OGDH: variants seen among roughly 807,000 people sequenced by gnomAD.
OGDH encodes oxoglutarate dehydrogenase, also known as 2-oxoglutarate dehydrogenase complex component E1.
Under a neutral mutation model 116.6 loss-of-function variants are expected in OGDH, and 38 were observed. The ratio of observed to expected loss-of-function variants is 0.33; its 90% CI spans 0.25 to 0.43. The LOEUF (loss-of-function observed/expected upper bound fraction) is 0.43. Ranked by LOEUF, OGDH falls within the 20% of genes least tolerant of loss-of-function variation. The pLI, the probability that OGDH is intolerant of heterozygous loss-of-function variation, is 1.00. For missense variants in OGDH, 825 were observed against 1,357.2 expected, an observed-to-expected ratio of 0.61 and a Z score of 6.16; for synonymous variants, 488 against 533.3, an observed-to-expected ratio of 0.92 and a Z score of 1.17.
intron 19 of OGDH, 138 bp downstream of exon 19, chr7:44,700,407 C>T: frequency 9.0e-7 from 1 of 1,113,378 alleles, no homozygotes; most frequent in South Asian, 1.6e-5. Flanking sequence ...GACATGGTGT[C>T]AGGGAGCCTC....
In OGDH at chr7:44,700,122, A is replaced by G; in HGVS notation, c.2431-19A>G. ...CAGTGCTGTGTCCTGGCCTCTGGCC[A>G]TTTCCTTCCCTGCTGCAGGACCTTA... On this transcript the variant is annotated intron_variant, in intron 18 of 22. Coordinates refer to ENST00000222673, the MANE Select transcript of OGDH (RefSeq NM_002541.4). 2 of 1,613,818 alleles carry G rather than the reference A, an allele frequency of 1.2e-6. No homozygotes were observed. The highest frequency in any genetic ancestry group is 3.3e-5 in the Admixed American group (2 of 60,004).
At chr7:44,688,805 A>G (rs1322066356) in intron 10 of OGDH, among the ~76,000 whole-genome samples, 2 of 151,850 alleles carry the variant, frequency 1.3e-5, no homozygotes, top group Non-Finnish European at 2.9e-5. Context: ...CTGGAGTGCA[A>G]GTGGCATAAT....
intron 3 of OGDH, among the ~76,000 whole-genome samples, chr7:44,645,771 T>C (rs190382737): frequency 6.6e-6 from 1 of 152,332 alleles, no homozygotes; most frequent in Non-Finnish European, 1.5e-5. Flanking sequence ...TTTCCTTTCC[T>C]TCCTTGGCAA....
chr7:44,606,788 G>A (rs1057434140), intron 1 of OGDH, 135 bp downstream of exon 1: 2 of 152,446 alleles, frequency 1.3e-5, no homozygotes, highest in Admixed American at 6.5e-5. Context: ...CAGGGGAGTG[G>A]AGCTGGATGG....
chr7:44,631,999 T>C (rs548603307), intron 2 of OGDH, among the ~76,000 whole-genome samples: 1 of 152,236 alleles, frequency 6.6e-6, no homozygotes, highest in East Asian at 1.9e-4. Flanking sequence ...CTCAGCAGGA[T>C]GATGGATGCA....
intron 20 of OGDH, among the ~76,000 whole-genome samples, chr7:44,705,051 CTTTT>C (rs777624714): frequency 3.2e-5 from 3 of 93,948 alleles, no homozygotes; most frequent in Admixed American, 1.1e-4. Context: ...TTTTAATTTT[CTTTT>C]TTTTTTTTTT....
intron 10 of OGDH, among the ~76,000 whole-genome samples, chr7:44,690,409 C>T (rs1788318393): frequency 6.6e-6 from 1 of 152,202 alleles, no homozygotes; most frequent in Admixed American, 6.5e-5. Flanking sequence ...CGAGATTTTC[C>T]TACTAAAACA....
Position 44,694,023 on chromosome 7 carries a change from A to G in OGDH, c.1515+19A>G, listed in dbSNP as rs1004161041. 7 of 1,603,620 alleles carry G rather than the reference A, an allele frequency of 4.4e-6. No homozygotes were observed. Among genetic ancestry groups the G allele is most frequent in the Non-Finnish European group, 5.1e-6 (6 of 1,172,364 alleles). ...CGATTTGGTGAGTGACTCTGGGGAC[A>G]GCACGTCCTGGGCAGAGCATCTGAC... On this transcript the variant is annotated intron_variant, in intron 11 of 22. Transcript: ENST00000222673. This position sits in a 1 kb window ranked among gnomAD's most constrained non-coding sequence, Gnocchi z 4.2.
chr7:44,656,787 G>T (rs571721169), intron 4 of OGDH, among the ~76,000 whole-genome samples: 1 of 152,202 alleles, frequency 6.6e-6, no homozygotes, highest in South Asian at 2.1e-4. Context: ...CTGCTTCCTG[G>T]GCATTTTGGG....
chr7:44,634,084 C>T (rs1232325816), intron 2 of OGDH, among the ~76,000 whole-genome samples: 1 of 152,228 alleles, frequency 6.6e-6, no homozygotes, highest in Admixed American at 6.5e-5. Flanking sequence ...CCACTGCCAG[C>T]TCCCTTGGAG....
rs560396037 is a variant in OGDH at position 44,689,242 on chromosome 7, G to T, written c.1336-4583G>T. The stretch of plus-strand genomic sequence containing the variant: ...TTTTTTTTTTTTTTTTTGAGACAGG[G>T]TCTTACCCCGTCACCCACGCTGGAG... On this transcript the variant is annotated intron_variant, in intron 10 of 22. Coordinates refer to ENST00000222673, the MANE Select transcript of OGDH (RefSeq NM_002541.4). 7.1e-5 allele frequency among the ~76,000 whole-genome samples: 10 copies of T among 141,354 alleles called. No individual in the cohort carries two copies. The East Asian group carries it at 1.8e-3, about 26-fold the overall frequency. The allele number at this position is 141,354 out of a possible 152,430, so 92.7% of individuals were successfully genotyped here.
chr7:44,644,277 A>G (rs1167908943), intron 2 of OGDH, among the ~76,000 whole-genome samples: 1 of 152,244 alleles, frequency 6.6e-6, no homozygotes, highest in East Asian at 1.9e-4. Context: ...AAGTCTTAGT[A>G]TGTCTGATCT....
At position 44,675,871 on chromosome 7, in the gene OGDH, C is replaced by G. The variant is rs1300499315; in HGVS notation, c.1027-99C>G. On this transcript the variant is annotated intron_variant, in intron 8 of 22. Transcript: ENST00000222673. ...CAACCTGGGCAACAAGAGCGAAACT[C>G]CATCTCAAAAAAAAAAAAAAAATTC... 3.2e-6 allele frequency: 4 copies of G among 1,254,948 alleles called. No individual in the cohort carries two copies. The Admixed American group carries it at 8.5e-5, about 27-fold the overall frequency. 77.7% of individuals were successfully genotyped at this position (1,254,948 alleles called of 1,614,324 possible). A position where few individuals can be genotyped will look rare whatever the true frequency, so the allele number is the denominator to read the frequency against.
At chr7:44,675,769 C>T (rs1431577107) in intron 8 of OGDH, among the ~76,000 whole-genome samples, 6 of 151,348 alleles carry the variant, frequency 4.0e-5, no homozygotes, top group African/African-American at 9.7e-5. Context: ...CCCAGCTACT[C>T]GGGAGGCTGA....
At chr7:44,624,120 G>A (rs536876844) in intron 1 of OGDH, among the ~76,000 whole-genome samples, 197 bp from the exon 2 acceptor site, 8 of 152,032 alleles carry the variant, frequency 5.3e-5, no homozygotes, top group Admixed American at 4.6e-4. Context: ...TAGCACTCTT[G>A]TGAATACATT....
At chr7:44,702,581 TTTTATTTA>T (rs553174514) in intron 20 of OGDH, among the ~76,000 whole-genome samples, 35 of 151,464 alleles carry the variant, frequency 2.3e-4, no homozygotes, top group Non-Finnish European at 3.1e-4. Flanking sequence ...TTATTTTTAA[TTTTATTTA>T]TTTATTTATT....
intron 4 of OGDH, among the ~76,000 whole-genome samples, chr7:44,648,964 G>A (rs1217095996): frequency 2.6e-5 from 4 of 152,082 alleles, no homozygotes; most frequent in Admixed American, 2.0e-4. Flanking sequence ...AGGTCTTGGA[G>A]CCTCTTCCCT....
chr7:44,679,857 G>T (rs1787854713), intron 9 of OGDH, among the ~76,000 whole-genome samples: 1 of 152,138 alleles, frequency 6.6e-6, no homozygotes, highest in Admixed American at 6.6e-5. Flanking sequence ...TCTGCTGTGG[G>T]TCTCCAGCCT....
rs990455478 is a variant in OGDH, at chr7:44,694,139, G to A, written c.1515+135G>A. ...AGGGCTCTCTACTGCCAGGCCTCAT[G>A]CTGGTTCCTTTGAGCTCCAAATAGT... is the stretch of plus-strand genomic sequence containing the variant. On this transcript the variant is annotated intron_variant, in intron 11 of 22. Coordinates refer to ENST00000222673, the MANE Select transcript of OGDH (RefSeq NM_002541.4). This position sits in a 1 kb window ranked among gnomAD's most constrained non-coding sequence, Gnocchi z 4.2. 9.8e-7 allele frequency: 1 copy of A among 1,024,662 alleles called. No individual in the cohort carries two copies. The highest frequency in any genetic ancestry group is 2.8e-5 in the Admixed American group (1 of 35,102). The allele number at this position is 1,024,662 out of a possible 1,614,324, so 63.5% of individuals were successfully genotyped here. A position where few individuals can be genotyped will look rare whatever the true frequency, so the allele number is the denominator to read the frequency against.
Sources: gnomAD v4.1 joint callset for allele counts (sites outside exome capture counted in the v4.1 genomes callset) on GRCh38, gnomAD v4.1.1 for gene constraint, Gnocchi (gnomAD v3.1) non-coding constraint, MANE v1.5 for transcripts, NCBI Gene and HGNC (gene_info 2026-07-23, HGNC 2026-07-21) for gene names.